The following CADM2 variants were observed in gnomAD, a reference collection of about 807,000 sequenced individuals.
CADM2 encodes immunoglobulin superfamily member 4D.
A neutral mutation model predicts 49.8 loss-of-function variants in CADM2; 12 were observed. The observed-to-expected ratio is 0.24, with a 90% CI of 0.15 to 0.39. The LOEUF is 0.39. CADM2 is among the 10% of genes least tolerant of loss of function. The pLI is 1.00. For synonymous variants in CADM2, 214 were observed against 175.4 expected (o/e 1.22, Z -1.74); for missense variants, 378 against 492.3 (o/e 0.77, Z 2.20).
intron 2 of CADM2, among the ~76,000 whole-genome samples, chr3:85,778,683 C>T (rs531416768): frequency 6.6e-6 from 1 of 152,262 alleles, no homozygotes; most frequent in Non-Finnish European, 1.5e-5. Context: ...GGTATTTCTT[C>T]ATAGAAATGT....
chr3:85,388,265 T>C (rs2107384789), intron 1 of CADM2, among the ~76,000 whole-genome samples: 1 of 152,162 alleles, frequency 6.6e-6, no homozygotes, highest in South Asian at 2.1e-4. Context: ...CCAATAACTG[T>C]TTGTTGATGA....
At chr3:85,592,792 T>C (rs921827223) in intron 1 of CADM2, among the ~76,000 whole-genome samples, 1 of 151,792 alleles carries the variant, frequency 6.6e-6, no homozygotes, top group East Asian at 2.0e-4. Context: ...GCCATGGTGG[T>C]TTGCTGCACC....
chr3:85,492,785 T>C (rs775500915), intron 1 of CADM2, among the ~76,000 whole-genome samples: 40 of 27,734 alleles, frequency 1.4e-3, no homozygotes, highest in Non-Finnish European at 4.2e-3. Flanking sequence ...ATGTTAACAC[T>C]TTTTTTAAAA....
chr3:85,639,576 G>A (rs1226422533), intron 1 of CADM2, among the ~76,000 whole-genome samples: 1 of 151,806 alleles, frequency 6.6e-6, no homozygotes, highest in Non-Finnish European at 1.5e-5. Context: ...CTTTATCTTT[G>A]TATTTTCTAG....
intron 8 of CADM2, among the ~76,000 whole-genome samples, chr3:86,043,552 A>G (rs1341586474): frequency 6.6e-6 from 1 of 152,196 alleles, no homozygotes; most frequent in Non-Finnish European, 1.5e-5. Flanking sequence ...ACTGCAAACC[A>G]CTGCTCAAGG....
At chr3:85,057,878 T>G (rs1161840151) in intron 1 of CADM2, among the ~76,000 whole-genome samples, 2 of 152,170 alleles carry the variant, frequency 1.3e-5, no homozygotes, top group East Asian at 3.9e-4. Context: ...AGCCTTAACA[T>G]GTGGGGTTGT....
In CADM2 at chr3:85,191,945, T is replaced by TTGTGTG. The variant is rs3085115; in HGVS notation, c.61+232297_61+232302dup. ...AATAGAGAGTAATAAGATGAAACAG[T>TTGTGTG]TGTGTGTGTGTGTGTGTGTGTGTGT... On this transcript the variant is annotated intron_variant, in intron 1 of 9. Transcript: ENST00000383699. Among the ~76,000 whole-genome samples, 1,236 of 149,098 alleles carry TTGTGTG rather than the reference T, an allele frequency of 8.3e-3. 14 individuals carry two copies. Among genetic ancestry groups the TTGTGTG allele is most frequent in the African/African-American group, 0.027 (1,103 of 40,640 alleles).
chr3:86,036,055 CT>C (rs929420044), intron 8 of CADM2, among the ~76,000 whole-genome samples: 33 of 152,148 alleles, frequency 2.2e-4, no homozygotes, highest in African/African-American at 7.5e-4. Context: ...ACCTAATTGC[CT>C]TTTAACAATC....
At position 85,617,095 on chromosome 3, in the gene CADM2, C is replaced by T. The variant is rs111520010; in HGVS notation, c.62-109427C>T. ...AACAAGCAATCAGTTCTTCCGTGGACGCCAGCTGGGGTCCTCTAATCCAAT... is the reference window on the plus strand; with the variant it reads ...AACAAGCAATCAGTTCTTCCGTGGATGCCAGCTGGGGTCCTCTAATCCAAT... On this transcript the variant is annotated intron_variant, in intron 1 of 9. Transcript: ENST00000383699. 4.3e-3 allele frequency among the ~76,000 whole-genome samples: 649 copies of T among 152,206 alleles called. 3 individuals are homozygous for T. Among genetic ancestry groups the T allele is most frequent in the African/African-American group, 0.013 (549 of 41,546 alleles).
chr3:85,915,608 T>A lies in CADM2; in HGVS notation c.700+3065T>A, dbSNP rs1028612282. The stretch of plus-strand genomic sequence containing the variant: ...AATAGTTGTTCCCAGAGACAGTAGA[T>A]CATGGCTGCACTTAGATCCACATGT... On this transcript the variant is annotated intron_variant, in intron 6 of 9. Transcript: ENST00000383699. 9.9e-5 allele frequency among the ~76,000 whole-genome samples: 15 copies of A among 152,088 alleles called. No individual in the cohort carries two copies. The East Asian group carries it at 2.9e-3, about 29-fold the overall frequency.
At chr3:86,031,241 A>C (rs1378704642) in intron 8 of CADM2, among the ~76,000 whole-genome samples, 1 of 151,842 alleles carries the variant, frequency 6.6e-6, no homozygotes, top group Non-Finnish European at 1.5e-5. Context: ...ATAACAAATG[A>C]CCAAGATGAA....
At chr3:85,074,065 A>G (rs1199207536) in intron 1 of CADM2, among the ~76,000 whole-genome samples, 1 of 152,116 alleles carries the variant, frequency 6.6e-6, no homozygotes, top group Admixed American at 6.6e-5. Flanking sequence ...AAGGCATTGT[A>G]AGTTCATGTG....
intron 1 of CADM2, among the ~76,000 whole-genome samples, chr3:85,457,416 GA>G (rs994050574): frequency 6.6e-4 from 92 of 140,370 alleles, no homozygotes; most frequent in African/African-American, 8.4e-4. Flanking sequence ...CTGTCTCAAG[GA>G]AAAAAAAAAA....
At chr3:85,591,086 A>C (rs1040799116) in intron 1 of CADM2, among the ~76,000 whole-genome samples, 4 of 151,998 alleles carry the variant, frequency 2.6e-5, no homozygotes, top group African/African-American at 9.7e-5. Context: ...ATTTCAGTGT[A>C]AGTGACTTTC....
intron 8 of CADM2, among the ~76,000 whole-genome samples, chr3:85,983,777 A>ATCTATCTG (rs1193382493): frequency 6.4e-5 from 9 of 140,768 alleles, no homozygotes; most frequent in African/African-American, 2.0e-4. Flanking sequence ...TACCATTTAT[A>ATCTATCTG]TCTATCTGTC....
chr3:85,662,675 A>C (rs1394251662), intron 1 of CADM2, among the ~76,000 whole-genome samples: 2 of 152,036 alleles, frequency 1.3e-5, no homozygotes, highest in Non-Finnish European at 2.9e-5. Flanking sequence ...TTCTTCAAGA[A>C]TATGCCTAAC....
At chr3:85,334,926 G>A (rs1319207443) in intron 1 of CADM2, among the ~76,000 whole-genome samples, 1 of 151,072 alleles carries the variant, frequency 6.6e-6, no homozygotes, top group Non-Finnish European at 1.5e-5. Context: ...TTATAATTTA[G>A]TAACTTGTAT....
intron 3 of CADM2, among the ~76,000 whole-genome samples, chr3:85,816,219 T>A (rs934723728): frequency 1.3e-5 from 2 of 152,028 alleles, no homozygotes; most frequent in Admixed American, 6.6e-5. Flanking sequence ...GGAGCTTTTT[T>A]TTTTTTCCTT....
chr3:85,181,517 G>A (rs2040933116), intron 1 of CADM2, among the ~76,000 whole-genome samples: 1 of 152,136 alleles, frequency 6.6e-6, no homozygotes, highest in East Asian at 1.9e-4. Flanking sequence ...AGTAAATGAA[G>A]CTCTTTCTGA....
Sources: allele counts gnomAD v4.1 joint callset (sites outside exome capture counted in the v4.1 genomes callset), GRCh38; gene constraint gnomAD v4.1.1; transcripts MANE v1.5; gene names NCBI Gene and HGNC (gene_info 2026-07-23, HGNC 2026-07-21).